Variants in DAPK1 observed in about 807,000 individuals in gnomAD.
DAPK1 encodes death associated protein kinase 1.
Under a neutral mutation model 144.9 loss-of-function variants are expected in DAPK1, and 56 were observed. That is an observed-to-expected ratio of 0.39 (90% CI 0.31 to 0.48). The LOEUF (loss-of-function observed/expected upper bound fraction) is 0.48, where lower values mean the gene tolerates loss of function less well. Ranked by LOEUF, DAPK1 falls within the 20% of genes least tolerant of loss-of-function variation. The pLI is 0.95. For missense variants in DAPK1, 1,454 were observed against 1,875.4 expected, an observed-to-expected ratio of 0.78 and a Z score of 4.15; for synonymous variants, 690 against 749.0, an observed-to-expected ratio of 0.92 and a Z score of 1.29.
intron 2 of DAPK1, among the ~76,000 whole-genome samples, chr9:87,509,186 A>G (rs1281236256): frequency 6.6e-6 from 1 of 152,214 alleles, no homozygotes; most frequent in South Asian, 2.1e-4. Flanking sequence ...CCTGTAGAGA[A>G]CAGACTTTTA....
intron 25 of DAPK1, among the ~76,000 whole-genome samples, chr9:87,703,812 C>A (rs1179610918): frequency 1.3e-5 from 2 of 152,272 alleles, no homozygotes; most frequent in South Asian, 4.1e-4. Flanking sequence ...CATTGAGCAC[C>A]AGGGCGCGGT....
chr9:87,702,977 A>T (rs541419861), intron 24 of DAPK1, 52 bp from the exon 25 acceptor site: 1 of 852,836 alleles, frequency 1.2e-6, no homozygotes, highest in Non-Finnish European at 2.0e-6. Flanking sequence ...GGCTCTGCTC[A>T]GGGCACCCAC....
chr9:87,526,422 T>C (rs1825511039), intron 2 of DAPK1, among the ~76,000 whole-genome samples: 1 of 152,210 alleles, frequency 6.6e-6, no homozygotes, highest in East Asian at 1.9e-4. Flanking sequence ...ATATATACCT[T>C]TTAAGTTTGG....
chr9:87,594,646 A>G (rs1260479616), intron 2 of DAPK1, among the ~76,000 whole-genome samples: 2 of 152,214 alleles, frequency 1.3e-5, no homozygotes, highest in Non-Finnish European at 2.9e-5. Context: ...TGTCATGGCC[A>G]GTATTTACTG....
intron 19 of DAPK1, among the ~76,000 whole-genome samples, chr9:87,679,692 C>G (rs1309131395): frequency 6.6e-6 from 1 of 152,144 alleles, no homozygotes; most frequent in Non-Finnish European, 1.5e-5. Context: ...GGAGGGCCTC[C>G]CTAAATGCTG....
intron 2 of DAPK1, among the ~76,000 whole-genome samples, chr9:87,520,334 G>A (rs910151251): frequency 6.6e-6 from 1 of 152,152 alleles, no homozygotes; most frequent in African/African-American, 2.4e-5. Context: ...CGCACTCTGG[G>A]AGGAAGTGGA....
chr9:87,702,474 G>A (rs898097967), intron 24 of DAPK1, among the ~76,000 whole-genome samples: 21 of 152,066 alleles, frequency 1.4e-4, no homozygotes, highest in Non-Finnish European at 2.6e-4. Flanking sequence ...CTTTTCCTCT[G>A]TTCATAAAGT....
chr9:87,528,722 A>G (rs1234317992), intron 2 of DAPK1, among the ~76,000 whole-genome samples: 2 of 150,994 alleles, frequency 1.3e-5, no homozygotes, highest in African/African-American at 2.4e-5. Flanking sequence ...ATACAAAAAA[A>G]CTAGCCGGGT....
intron 2 of DAPK1, among the ~76,000 whole-genome samples, chr9:87,528,386 T>C (rs551065556): frequency 3.9e-5 from 6 of 152,080 alleles, no homozygotes; most frequent in African/African-American, 1.4e-4. Flanking sequence ...CCCAGCTAAT[T>C]GTTGTATTTT....
chr9:87,594,615 A>G (rs1828251632), intron 2 of DAPK1, among the ~76,000 whole-genome samples: 1 of 152,174 alleles, frequency 6.6e-6, no homozygotes, highest in South Asian at 2.1e-4. Context: ...TGTCACCACC[A>G]TGCTCTTCCT....
chr9:87,702,929 C>T (rs2118085853), intron 24 of DAPK1, 100 bp from the exon 25 acceptor site: 1 of 650,860 alleles, frequency 1.5e-6, no homozygotes, highest in Non-Finnish European at 2.8e-6. Flanking sequence ...ATCAAATCAC[C>T]TGCAAGGCGC....
chr9:87,631,402 C>T (rs3124238), intron 3 of DAPK1, among the ~76,000 whole-genome samples: 40,626 of 152,016 alleles, frequency 0.27, 6,673 homozygotes, highest in East Asian at 0.41. Flanking sequence ...TACCTTCTGT[C>T]GTGGCCAACT....
Position 87,602,922 on chromosome 9 carries a change from TTC to T in DAPK1, c.63-2007_63-2006del, listed in dbSNP as rs143584239. Among the ~76,000 whole-genome samples, 377 of 145,576 alleles carry T rather than the reference TTC, an allele frequency of 2.6e-3. 1 individual carries two copies. Among genetic ancestry groups the T allele is most frequent in the Admixed American group, 9.5e-3 (139 of 14,680 alleles). On this transcript the variant is annotated intron_variant, in intron 2 of 25. Transcript: ENST00000408954. ...GGTTTTTCTTTCTCTGTCTCTCTGT[TTC>T]TCTCTCTCTCTCTCTCTCTCTCTCA...
chr9:87,690,289 A>G (rs1825010737), intron 21 of DAPK1, among the ~76,000 whole-genome samples: 1 of 151,862 alleles, frequency 6.6e-6, no homozygotes, highest in South Asian at 2.1e-4. Context: ...TGCCCTCTTG[A>G]TTTCTTTCTC....
Position 87,608,010 on chromosome 9 carries a change from C to T in DAPK1, c.284+2835C>T, listed in dbSNP as rs551250557. On this transcript the variant is annotated intron_variant, in intron 3 of 25. Transcript: ENST00000408954. ...GAAGCAAGAGCCATCCTCACATGACCGGCAGGAGGAAGAGAGAGAGAAGGG... is the reference window on the plus strand; with the variant it reads ...GAAGCAAGAGCCATCCTCACATGACTGGCAGGAGGAAGAGAGAGAGAAGGG... Among the ~76,000 whole-genome samples, 5 of 152,150 alleles carry T rather than the reference C, an allele frequency of 3.3e-5. No individual in the cohort carries two copies. The East Asian group carries it at 5.8e-4, about 18-fold the overall frequency.
intron 19 of DAPK1, among the ~76,000 whole-genome samples, chr9:87,674,447 G>A (rs1439404886): frequency 6.6e-6 from 1 of 150,676 alleles, no homozygotes; most frequent in Non-Finnish European, 1.5e-5. Context: ...CCCAGGAGGT[G>A]GAGGTTGCAG....
chr9:87,594,671 A>G (rs1459496152), intron 2 of DAPK1, among the ~76,000 whole-genome samples: 9 of 152,186 alleles, frequency 5.9e-5, no homozygotes. Context: ...CTCTATACCC[A>G]GTCCATCTGC....
intron 19 of DAPK1, among the ~76,000 whole-genome samples, chr9:87,672,807 C>G (rs1482684418): frequency 6.6e-6 from 1 of 152,160 alleles, no homozygotes; most frequent in Non-Finnish European, 1.5e-5. Flanking sequence ...AATGACTGAG[C>G]TGTCGCGGCA....
Position 87,650,016 on chromosome 9 carries a change from C to T in DAPK1, c.1524C>T (p.Asn508=). 6.2e-7 allele frequency: 1 copy of T among 1,614,174 alleles called. No individual in the cohort carries two copies. Among genetic ancestry groups the T allele is most frequent in the South Asian group, 1.1e-5 (1 of 91,086 alleles). The change falls in exon 16 of 26, where the codon AAC becomes AAT. Residue 508 remains asparagine (N), a synonymous_variant. Transcript: ENST00000408954. ...CEAGCNVNIK[N]REGETPLLTA... is the part of the protein sequence containing the mutation. ...CCGGCTGTAACGTGAACATCAAGAACCGAGAAGGAGAGACGCCCCTCCTGA... is the reference window on the plus strand; with the variant it reads ...CCGGCTGTAACGTGAACATCAAGAATCGAGAAGGAGAGACGCCCCTCCTGA...
Sources: gnomAD v4.1 joint callset for allele counts (sites outside exome capture counted in the v4.1 genomes callset) on GRCh38, gnomAD v4.1.1 for gene constraint, MANE v1.5 for transcripts, NCBI Gene and HGNC (gene_info 2026-07-23, HGNC 2026-07-21) for gene names.